Variants in NPAS2 observed in about 807,000 individuals in gnomAD.
NPAS2 encodes the protein neuronal PAS domain protein 2.
NPAS2 carries 23 observed loss-of-function variants against 107.5 expected under a neutral mutation model. That is an observed-to-expected ratio of 0.21 (90% CI 0.15 to 0.30). The LOEUF (loss-of-function observed/expected upper bound fraction) is 0.30, where lower values mean the gene tolerates loss of function less well. NPAS2 is among the 10% of genes least tolerant of loss of function. NPAS2 has a pLI of 1.00. For synonymous variants in NPAS2, 403 were observed against 417.5 expected, an observed-to-expected ratio of 0.97 and a Z score of 0.42; for missense variants, 756 against 1,043.3, an observed-to-expected ratio of 0.72 and a Z score of 3.79.
At chr2:100,884,396 C>T (rs993775519) in intron 1 of NPAS2, among the ~76,000 whole-genome samples, 2 of 152,140 alleles carry the variant, frequency 1.3e-5, no homozygotes, top group Admixed American at 6.6e-5. Context: ...AGATAAGAGA[C>T]AGTAGATAAA....
At chr2:100,849,589 G>A (rs563767116) in intron 1 of NPAS2, among the ~76,000 whole-genome samples, 1 of 152,160 alleles carries the variant, frequency 6.6e-6, no homozygotes, top group South Asian at 2.1e-4. Context: ...TAAAATGATA[G>A]GCATGACTTC....
chr2:100,889,251 A>C (rs1170790261), intron 1 of NPAS2, among the ~76,000 whole-genome samples: 1 of 152,208 alleles, frequency 6.6e-6, no homozygotes, highest in Non-Finnish European at 1.5e-5. Context: ...GAATACCTGC[A>C]TGGGACTCTG....
chr2:100,821,384 G>A (rs762600149), intron 1 of NPAS2, among the ~76,000 whole-genome samples: 2 of 152,082 alleles, frequency 1.3e-5, no homozygotes, highest in East Asian at 1.9e-4. Context: ...TGTTCAGGAG[G>A]GTCCCGGAGA....
intron 1 of NPAS2, among the ~76,000 whole-genome samples, chr2:100,882,599 C>T (rs541787200): frequency 1.3e-4 from 19 of 151,878 alleles, no homozygotes; most frequent in East Asian, 2.0e-4. Context: ...GGAGACAGAG[C>T]GAGACTCCGT....
At chr2:100,834,965 T>A (rs931517132) in intron 1 of NPAS2, among the ~76,000 whole-genome samples, 9 of 152,360 alleles carry the variant, frequency 5.9e-5, no homozygotes, top group African/African-American at 2.2e-4. Context: ...TCTGCATGCC[T>A]TGGCCTCCCA....
At chr2:100,986,808 C>T (rs908050205) in intron 16 of NPAS2, 2 of 152,198 alleles carry the variant, frequency 1.3e-5, no homozygotes, top group African/African-American at 4.8e-5. Flanking sequence ...GAATAATCAA[C>T]ATTATCTACC....
At chr2:100,989,435 C>A (rs1677983219) in intron 17 of NPAS2, 1 of 152,156 alleles carries the variant, frequency 6.6e-6, no homozygotes, top group Non-Finnish European at 1.5e-5. Flanking sequence ...TTTAAAAGGT[C>A]ATCAGAAAAA....
intron 1 of NPAS2, among the ~76,000 whole-genome samples, chr2:100,859,059 G>A (rs992739535): frequency 1.3e-5 from 2 of 152,218 alleles, no homozygotes; most frequent in African/African-American, 4.8e-5. Context: ...GAGGTCAGGA[G>A]TTCAAGACCA....
intron 16 of NPAS2, chr2:100,983,212 T>C (rs3768990): frequency 0.41 from 62,065 of 152,108 alleles, 13,911 homozygotes; most frequent in Middle Eastern, 0.63. Flanking sequence ...ACATCTCTGC[T>C]GGAGCACTGT....
chr2:100,996,003 CAG>C lies in NPAS2; in HGVS notation c.*425_*426del. On this transcript the variant is annotated 3_prime_UTR_variant, in exon 21 of 21. Coordinates refer to ENST00000335681, the MANE Select transcript of NPAS2 (RefSeq NM_002518.4). ...CCTTTGTATTGGAGAAGGACTGGGTCAGAGATCTGTTGGAGAGAGAGAATAAA... is the reference window on the plus strand; with the variant it reads ...CCTTTGTATTGGAGAAGGACTGGGTCAGATCTGTTGGAGAGAGAGAATAAA... 1.6e-6 allele frequency: 2 copies of C among 1,216,488 alleles called. No individual in the cohort carries two copies. Among genetic ancestry groups the C allele is most frequent in the Non-Finnish European group, 2.1e-6 (2 of 947,372 alleles). The allele number at this position is 1,216,488 out of a possible 1,614,324, so 75.4% of individuals were successfully genotyped here. A position where few individuals can be genotyped will look rare whatever the true frequency, so the allele number is the denominator to read the frequency against.
intron 1 of NPAS2, among the ~76,000 whole-genome samples, chr2:100,835,481 G>A (rs1003380679): frequency 5.3e-5 from 8 of 152,106 alleles, no homozygotes; most frequent in Non-Finnish European, 1.0e-4. Context: ...TCCACCCTTC[G>A]GAGGAGGAGG....
At chr2:100,829,327 A>G (rs1676588255) in intron 1 of NPAS2, among the ~76,000 whole-genome samples, 1 of 151,350 alleles carries the variant, frequency 6.6e-6, no homozygotes, top group Admixed American at 6.6e-5. Flanking sequence ...TAATTTTTGT[A>G]TTTTTAGTAG....
chr2:100,881,578 C>T lies in NPAS2; in HGVS notation c.-22-23155C>T, dbSNP rs184360010. ...GCAGGTGCCTGTAATCCCAGCTACT[C>T]GGAAGGCTGAGGCAGGAGAATCACT... On this transcript the variant is annotated intron_variant, in intron 1 of 20. Coordinates refer to ENST00000335681, the MANE Select transcript of NPAS2 (RefSeq NM_002518.4). Among the ~76,000 whole-genome samples, 521 of 152,094 alleles carry T rather than the reference C, an allele frequency of 3.4e-3. 4 individuals carry two copies. Among genetic ancestry groups the T allele is most frequent in the African/African-American group, 0.012 (498 of 41,492 alleles).
At chr2:100,835,335 T>A (rs145762537) in intron 1 of NPAS2, among the ~76,000 whole-genome samples, 2 of 152,298 alleles carry the variant, frequency 1.3e-5, no homozygotes, top group Non-Finnish European at 2.9e-5. Flanking sequence ...GAAAATAGGA[T>A]GTGTGTAAAT....
At chr2:100,892,160 A>G (rs79520875) in intron 1 of NPAS2, among the ~76,000 whole-genome samples, 1,656 of 152,304 alleles carry the variant, frequency 0.011, 28 homozygotes, top group African/African-American at 0.038. Flanking sequence ...TGCAACATAA[A>G]TGTCAAAGGT....
Position 100,976,998 on chromosome 2 carries a change from C to G in NPAS2, c.1393-712C>G, listed in dbSNP as rs1479548724. 1 of 151,716 alleles carries G rather than the reference C, an allele frequency of 6.6e-6. No individual in the cohort carries two copies. Among genetic ancestry groups the G allele is most frequent in the African/African-American group, 2.4e-5 (1 of 41,276 alleles). The allele number at this position is 151,716 out of a possible 1,614,324, so 9.4% of individuals were successfully genotyped here. On this transcript the variant is annotated intron_variant, in intron 14 of 20. Transcript: ENST00000335681. This position sits in a 1 kb window ranked among gnomAD's most constrained non-coding sequence, Gnocchi z 4.1. ...TATATAGGCCCTAGCAACTAGGGGC[C>G]GTGTCGGAATAACTTCAGACGAGTC... is the stretch of plus-strand genomic sequence containing the variant.
chr2:100,931,841 A>G (rs964574008), intron 3 of NPAS2, among the ~76,000 whole-genome samples: 3 of 152,190 alleles, frequency 2.0e-5, no homozygotes, highest in Non-Finnish European at 4.4e-5. Context: ...ACTAAGATTC[A>G]TTCATTCAAA....
chr2:100,876,180 C>G (rs137885804), intron 1 of NPAS2, among the ~76,000 whole-genome samples: 1 of 152,184 alleles, frequency 6.6e-6, no homozygotes, highest in Admixed American at 6.5e-5. Flanking sequence ...CTCTCTTCCC[C>G]GTAGCTGGTA....
intron 1 of NPAS2, among the ~76,000 whole-genome samples, chr2:100,849,410 G>A (rs994072131): frequency 2.0e-5 from 3 of 152,136 alleles, no homozygotes; most frequent in Admixed American, 6.5e-5. Context: ...CAAAGACAAG[G>A]GCTGTGAGTT....
Sources: gnomAD v4.1 joint callset for allele counts (sites outside exome capture counted in the v4.1 genomes callset) on GRCh38, gnomAD v4.1.1 for gene constraint, Gnocchi (gnomAD v3.1) non-coding constraint, MANE v1.5 for transcripts, NCBI Gene and HGNC (gene_info 2026-07-23, HGNC 2026-07-21) for gene names.